The following SARDH variants were observed in gnomAD, a reference collection of about 807,000 sequenced individuals.
SARDH encodes sarcosine dehydrogenase, mitochondrial.
SARDH carries 95 observed loss-of-function variants against 109.1 expected under a neutral mutation model. The ratio of observed to expected loss-of-function variants is 0.87; its 90% CI spans 0.74 to 1.03. SARDH has a LOEUF of 1.03. Ranked by LOEUF, SARDH falls within the 50% of genes least tolerant of loss-of-function variation. The probability of loss-of-function intolerance (pLI) is 0.00; values close to 1 mark genes in which losing one functional copy is unlikely to be tolerated. For missense variants in SARDH, 1,267 were observed against 1,287.8 expected, an observed-to-expected ratio of 0.98 and a Z score of 0.25; for synonymous variants, 572 against 534.8, an observed-to-expected ratio of 1.07 and a Z score of -0.96.
chr9:133,663,991 G>C lies in SARDH; in HGVS notation c.2655C>G (p.Ser885Arg). ...CCATTCTCTCCAGGGCATAGTCCCCGCTCTTCACAAAGTCCAGCGAGACCT... is the reference window on the plus strand; with the variant it reads ...CCATTCTCTCCAGGGCATAGTCCCCCCTCTTCACAAAGTCCAGCGAGACCT... ...GGPVSLDFVKSGDYALERMGV... is the reference protein window; with the variant it reads ...GGPVSLDFVKRGDYALERMGV... Residue 885 changes from serine to arginine, a missense_variant, in exon 21 of 21, where the codon AGC becomes AGG. Transcript: ENST00000439388. 1 of 1,614,144 alleles carries C rather than the reference G, an allele frequency of 6.2e-7. No homozygotes were observed. The highest frequency in any genetic ancestry group is 8.5e-7 in the Non-Finnish European group (1 of 1,180,020).
At chr9:133,699,528 T>TAAG in intron 13 of SARDH, among the ~76,000 whole-genome samples, 1 of 151,314 alleles carries the variant, frequency 6.6e-6, no homozygotes, top group East Asian at 1.9e-4. Flanking sequence ...ATAATAATAA[T>TAAG]AAGACAAATA....
At position 133,692,960 on chromosome 9, in the gene SARDH, C is replaced by A. The variant is rs563479710; in HGVS notation, c.1921+1298G>T. Among the ~76,000 whole-genome samples the A allele has an allele frequency of 2.0e-5, 3 of 152,246 alleles. No individual in the cohort carries two copies. In the South Asian group the frequency reaches 6.2e-4, roughly 32 times the overall value. On this transcript the variant is annotated intron_variant, in intron 15 of 20. Transcript: ENST00000439388. This position sits in a 1 kb window ranked among gnomAD's most constrained non-coding sequence, Gnocchi z 5.0. ...ACCAGCCTCCAGACCGCAGGGCTCA[C>A]CTCACTACTCCCTGCTTTTGGCAGA...
chr9:133,685,136 AC>A, intron 17 of SARDH, 56 bp downstream of exon 17: 1 of 1,449,450 alleles, frequency 6.9e-7, no homozygotes. Flanking sequence ...CCCCCGGCGC[AC>A]CCCTCACACC....
At chr9:133,713,016 G>A in intron 9 of SARDH, 22 bp downstream of exon 9, 2 of 1,599,734 alleles carry the variant, frequency 1.3e-6, no homozygotes, top group South Asian at 1.1e-5. Context: ...TGGGGGCCAG[G>A]AGGGCTGCTG....
chr9:133,682,858 CTGCTAGAAGCGAGGTCTG>C (rs1830746820), intron 17 of SARDH, among the ~76,000 whole-genome samples: 1 of 141,180 alleles, frequency 7.1e-6, no homozygotes, highest in African/African-American at 3.0e-5. Context: ...TGGTTGGAAA[CTGCTAGAAGCGAGGTCTG>C]CACTCAGCCC....
rs926737060 is a variant in SARDH at position 133,690,537 on chromosome 9, A to G, written c.1922-10T>C. 3 of 1,592,480 alleles carry G rather than the reference A, an allele frequency of 1.9e-6. No individual in the cohort carries two copies. In the African/African-American group the frequency reaches 4.0e-5, roughly 21 times the overall value. Reference sequence around the variant, plus strand: ...AGGTAGTAACCGTCCCCTGGAAGAGAGGCACCTGGACTTAGAGCAGGATTT... The same window carrying G: ...AGGTAGTAACCGTCCCCTGGAAGAGGGGCACCTGGACTTAGAGCAGGATTT... On this transcript the variant is annotated splice_polypyrimidine_tract_variant and intron_variant, in intron 15 of 20. Coordinates refer to ENST00000439388, the MANE Select transcript of SARDH (RefSeq NM_001134707.2).
chr9:133,680,419 C>T (rs577240635), intron 17 of SARDH, among the ~76,000 whole-genome samples: 290 of 152,348 alleles, frequency 1.9e-3, no homozygotes, highest in Non-Finnish European at 3.1e-3. Flanking sequence ...TATCCCCACC[C>T]GTCTTGCTGG....
chr9:133,678,132 G>A (rs1246665963), intron 17 of SARDH, among the ~76,000 whole-genome samples: 6 of 152,202 alleles, frequency 3.9e-5, no homozygotes, highest in African/African-American at 1.4e-4. Flanking sequence ...AGGCCACTTA[G>A]GTGGCAAGTG....
intron 14 of SARDH, among the ~76,000 whole-genome samples, chr9:133,695,518 G>T (rs1191103283): frequency 6.6e-6 from 1 of 152,216 alleles, no homozygotes; most frequent in Admixed American, 6.5e-5. Flanking sequence ...TGACGCAGCT[G>T]CATGCCGAGG....
At chr9:133,731,247 C>T in intron 4 of SARDH, 58 bp downstream of exon 4, 1 of 1,592,060 alleles carries the variant, frequency 6.3e-7, no homozygotes, top group African/African-American at 1.3e-5. Flanking sequence ...TCTCAGGGTT[C>T]TAAGGCAGGA....
upstream of SARDH, among the ~76,000 whole-genome samples, chr9:133,739,214 G>C (rs954753604): frequency 5.3e-5 from 8 of 152,192 alleles, no homozygotes; most frequent in Non-Finnish European, 2.9e-5. Context: ...CCTCGCGCTG[G>C]ATCAAAGACG....
At position 133,686,108 on chromosome 9, in the gene SARDH, AC is replaced by A. The variant is rs1167590182; in HGVS notation, c.2070-823del. Among the ~76,000 whole-genome samples, 1 of 152,110 alleles carries A rather than the reference AC, an allele frequency of 6.6e-6. No homozygotes were observed. Among genetic ancestry groups the A allele is most frequent in the Non-Finnish European group, 1.5e-5 (1 of 67,990 alleles). Reference sequence around the variant, plus strand: ...GCCCGGGAATGTTCCTGAGCACTGGACACTCAGTCCATACTGGACAGTTTGC... The same window carrying A: ...GCCCGGGAATGTTCCTGAGCACTGGAACTCAGTCCATACTGGACAGTTTGC... On this transcript the variant is annotated intron_variant, in intron 16 of 20. Transcript: ENST00000439388. The surrounding 1 kb of genome is among the most constrained non-coding windows in gnomAD (Gnocchi z 4.0).
chr9:133,722,636 A>G (rs1832361400), intron 6 of SARDH, among the ~76,000 whole-genome samples: 1 of 137,020 alleles, frequency 7.3e-6, no homozygotes, highest in Non-Finnish European at 1.5e-5. Context: ...CTAAAAAACT[A>G]CTAGCGCTCT....
intron 13 of SARDH, among the ~76,000 whole-genome samples, chr9:133,701,276 T>C (rs1281460559): frequency 1.3e-5 from 2 of 152,268 alleles, no homozygotes. Context: ...CCCAGAGAGC[T>C]GGTTGTTAAG....
chr9:133,685,108 A>G, intron 17 of SARDH, 85 bp downstream of exon 17: 2 of 1,169,272 alleles, frequency 1.7e-6, no homozygotes, highest in Non-Finnish European at 1.2e-6. Flanking sequence ...CCTGCCCGAG[A>G]GCCCCCAGCC....
At chr9:133,683,190 T>C (rs1040540768) in intron 17 of SARDH, among the ~76,000 whole-genome samples, 1 of 152,100 alleles carries the variant, frequency 6.6e-6, no homozygotes, top group Admixed American at 6.5e-5. Context: ...TTGGGGAGGC[T>C]GCCAGGGCCA....
chr9:133,725,096 CA>C (rs1832442654), intron 6 of SARDH, among the ~76,000 whole-genome samples: 1 of 152,094 alleles, frequency 6.6e-6, no homozygotes, highest in African/African-American at 2.4e-5. Flanking sequence ...ACTACACGGA[CA>C]AAACCGTAAA....
At chr9:133,674,039 G>A (rs181327920) in intron 17 of SARDH, among the ~76,000 whole-genome samples, 39 of 152,336 alleles carry the variant, frequency 2.6e-4, no homozygotes, top group African/African-American at 7.0e-4. Flanking sequence ...GGCCACACCT[G>A]CTTCCTGCCA....
chr9:133,731,538 C>G (rs2131506972), intron 3 of SARDH, 54 bp from the exon 4 acceptor site: 1 of 1,565,172 alleles, frequency 6.4e-7, no homozygotes, highest in East Asian at 2.3e-5. Context: ...ACCCCTGGGC[C>G]ACTCCCCTCC....
Sources: gnomAD v4.1 joint callset for allele counts (sites outside exome capture counted in the v4.1 genomes callset) on GRCh38, gnomAD v4.1.1 for gene constraint, Gnocchi (gnomAD v3.1) non-coding constraint, MANE v1.5 for transcripts, NCBI Gene and HGNC (gene_info 2026-07-23, HGNC 2026-07-21) for gene names.